The following COL4A2 variants were observed in gnomAD, a reference collection of about 807,000 sequenced individuals.
COL4A2 encodes collagen alpha-2(IV) chain.
A neutral mutation model predicts 200.2 loss-of-function variants in COL4A2; 99 were observed. That is an observed-to-expected ratio of 0.49 (90% CI 0.42 to 0.58). The LOEUF is 0.58. Among genes scored for constraint, COL4A2 ranks in the 20% least tolerant of loss-of-function variants. COL4A2 has a pLI of 0.00. For missense variants in COL4A2, 1,950 were observed against 2,314.1 expected, an observed-to-expected ratio of 0.84 and a Z score of 3.23; for synonymous variants, 897 against 900.6, an observed-to-expected ratio of 1.00 and a Z score of 0.07.
chr13:110,372,395 C>G (rs953967801), intron 4 of COL4A2, among the ~76,000 whole-genome samples: 7 of 152,208 alleles, frequency 4.6e-5, no homozygotes, highest in Non-Finnish European at 1.0e-4. Context: ...CCTCGTAAGT[C>G]TCTCTGACAG....
chr13:110,474,582 ACACT>A (rs1882604178), intron 29 of COL4A2, among the ~76,000 whole-genome samples: 1 of 152,144 alleles, frequency 6.6e-6, no homozygotes, highest in Admixed American at 6.5e-5. Flanking sequence ...ATTCACGGTC[ACACT>A]CATGCACATG....
At chr13:110,308,487 A>C (rs1306590478) in intron 3 of COL4A2, among the ~76,000 whole-genome samples, 1 of 152,128 alleles carries the variant, frequency 6.6e-6, no homozygotes, top group South Asian at 2.1e-4. Flanking sequence ...GGGCGAAAAA[A>C]GTTTTCCTGG....
At chr13:110,314,104 T>C (rs1885070598) in intron 3 of COL4A2, among the ~76,000 whole-genome samples, 1 of 152,234 alleles carries the variant, frequency 6.6e-6, no homozygotes, top group African/African-American at 2.4e-5. Flanking sequence ...TGCAGTTCAA[T>C]GTGATAATGT....
At chr13:110,437,926 C>A in intron 13 of COL4A2, 76 bp from the exon 14 acceptor site, 3 of 1,179,478 alleles carry the variant, frequency 2.5e-6, no homozygotes, top group South Asian at 1.2e-5. Flanking sequence ...CAGCTCATGT[C>A]ATGAACCCTG....
chr13:110,435,147 A>G (rs1254610347), intron 12 of COL4A2, among the ~76,000 whole-genome samples: 3 of 152,234 alleles, frequency 2.0e-5, no homozygotes, highest in East Asian at 1.9e-4. Context: ...AGTCCTGCTC[A>G]TGTGTGAAGA....
chr13:110,418,975 A>G (rs543523972), intron 4 of COL4A2, among the ~76,000 whole-genome samples: 1 of 152,386 alleles, frequency 6.6e-6, no homozygotes, highest in Middle Eastern at 3.4e-3. Context: ...GAGCCTAAAA[A>G]GTAGTCCTTT....
At chr13:110,411,430 G>T (rs189018804) in intron 4 of COL4A2, among the ~76,000 whole-genome samples, 256 of 152,326 alleles carry the variant, frequency 1.7e-3, no homozygotes, top group African/African-American at 5.7e-3. Flanking sequence ...TTAGCCTGCA[G>T]CTCCAGGGGC....
At chr13:110,400,407 A>G (rs1017400926) in intron 4 of COL4A2, among the ~76,000 whole-genome samples, 22 of 152,260 alleles carry the variant, frequency 1.4e-4, no homozygotes, top group Non-Finnish European at 1.5e-5. Flanking sequence ...GTTAGATTTC[A>G]TAACACAGAA....
intron 21 of COL4A2, chr13:110,458,089 AC>A: frequency 2.1e-6 from 1 of 468,380 alleles, no homozygotes; most frequent in Non-Finnish European, 4.4e-6. Flanking sequence ...CCTGGGACTT[AC>A]CACGTCTTGG....
intron 20 of COL4A2, among the ~76,000 whole-genome samples, chr13:110,455,589 C>T (rs376830080): frequency 1.1e-4 from 16 of 152,296 alleles, no homozygotes; most frequent in African/African-American, 3.8e-4. Flanking sequence ...GAGAGTCCAT[C>T]GGTTTCATTT....
Position 110,495,456 on chromosome 13 carries a change from A to T in COL4A2, c.3749A>T (p.Gln1250Leu), listed in dbSNP as rs1173195289. The part of the protein sequence containing the change: ...PVGVPGQKGD[Q>L]GAPGERGPPG... The stretch of plus-strand genomic sequence containing the variant: ...GGAGTCCCAGGACAGAAAGGAGACC[A>T]AGGAGCTCCAGGTGAGGCCACACAT... The change falls in exon 40 of 48, where the codon CAA becomes CTA. Residue 1250 changes from glutamine (Q) to leucine (L), a missense_variant. By Grantham distance (113) the Gln-to-Leu change is moderately radical. Transcript: ENST00000360467. 1.2e-6 allele frequency: 2 copies of T among 1,612,622 alleles called. No homozygotes were observed. The highest frequency in any genetic ancestry group is 2.7e-5 in the African/African-American group (2 of 74,808).
rs919092373 is a variant in COL4A2 at position 110,482,589 on chromosome 13, G to A, written c.2832G>A (p.Gly944=). Residue 944 remains glycine (G), a synonymous_variant, in exon 32 of 48, where the codon GGG becomes GGA. Transcript: ENST00000360467. The part of the protein sequence containing the change: ...PGLKGRPGFP[G]SKGEAGFFGI... The stretch of plus-strand genomic sequence containing the variant: ...TCAAAGGGAGACCCGGGTTTCCAGG[G>A]AGCAAAGGCGAGGCTGGATTTTTCG... 4 of 1,614,056 alleles carry A rather than the reference G, an allele frequency of 2.5e-6. No homozygotes were observed. The highest frequency in any genetic ancestry group is 3.3e-5 in the Admixed American group (2 of 60,004).
intron 25 of COL4A2, 91 bp downstream of exon 25, chr13:110,465,697 T>G: frequency 8.3e-7 from 1 of 1,199,916 alleles, no homozygotes; most frequent in Non-Finnish European, 1.2e-6. Context: ...TAGAGTCAGA[T>G]GAGGATGCTG....
Position 110,347,483 on chromosome 13 carries a change from T to C in COL4A2, c.100-9989T>C, listed in dbSNP as rs1449087428. Among the ~76,000 whole-genome samples, 3 of 152,320 alleles carry C rather than the reference T, an allele frequency of 2.0e-5. No individual in the cohort carries two copies. In the East Asian group the frequency reaches 5.8e-4, roughly 29 times the overall value. On this transcript the variant is annotated intron_variant, in intron 3 of 47. Transcript: ENST00000360467. ...CTTGCCCTTTGCTACATCATTCATGTTCCCAGTTGGCCCCTCACACCTGCT... is the reference window on the plus strand; with the variant it reads ...CTTGCCCTTTGCTACATCATTCATGCTCCCAGTTGGCCCCTCACACCTGCT...
At chr13:110,469,019 T>C (rs1231577341) in intron 27 of COL4A2, among the ~76,000 whole-genome samples, 198 bp from the exon 28 acceptor site, 2 of 152,222 alleles carry the variant, frequency 1.3e-5, no homozygotes, top group East Asian at 1.9e-4. Context: ...ATCATTCTTA[T>C]GGTTCCAGTC....
Position 110,477,821 on chromosome 13 carries a change from C to T in COL4A2, c.2426-182C>T, listed in dbSNP as rs373411831. ...GGAAATTCCCAGTGGTAGTCATTAC[C>T]GCTGGGTGATGGTGTGCCTTACCTG... is the stretch of plus-strand genomic sequence containing the variant. On this transcript the variant is annotated intron_variant, in intron 29 of 47. Transcript: ENST00000360467. 17 of 482,630 alleles carry T rather than the reference C, an allele frequency of 3.5e-5. 1 individual carries two copies. The highest frequency in any genetic ancestry group is 3.1e-4 in the Admixed American group (7 of 22,924). 29.9% of individuals were successfully genotyped at this position (482,630 alleles called of 1,614,324 possible). A position where few individuals can be genotyped will look rare whatever the true frequency, so the allele number is the denominator to read the frequency against.
chr13:110,433,302 C>T (rs550322120), intron 11 of COL4A2, among the ~76,000 whole-genome samples: 3 of 152,354 alleles, frequency 2.0e-5, no homozygotes, highest in South Asian at 4.1e-4. Context: ...ACCAGGCGGC[C>T]GGGCTGAGGA....
intron 27 of COL4A2, among the ~76,000 whole-genome samples, chr13:110,467,955 G>A (rs560699790): frequency 1.3e-5 from 2 of 152,348 alleles, no homozygotes; most frequent in East Asian, 3.9e-4. Context: ...ACCAGACACA[G>A]CCAGAGCTGT....
chr13:110,434,504 C>G lies in COL4A2; in HGVS notation c.726+62C>G. The G allele has an allele frequency of 3.3e-6, 5 of 1,513,088 alleles. No individual in the cohort carries two copies. The South Asian group carries it at 4.7e-5, about 14-fold the overall frequency. The allele number at this position is 1,513,088 out of a possible 1,614,324, so 93.7% of individuals were successfully genotyped here. ...AGCATTTCTCAGCCAGGAAATAAATCATTTTAATTACTAAGTTCTGTGCTG... is the reference window on the plus strand; with the variant it reads ...AGCATTTCTCAGCCAGGAAATAAATGATTTTAATTACTAAGTTCTGTGCTG... On this transcript the variant is annotated intron_variant, in intron 12 of 47. Coordinates refer to ENST00000360467, the MANE Select transcript of COL4A2 (RefSeq NM_001846.4).
Sources: allele counts gnomAD v4.1 joint callset (sites outside exome capture counted in the v4.1 genomes callset), GRCh38; gene constraint gnomAD v4.1.1; transcripts MANE v1.5; gene names NCBI Gene and HGNC (gene_info 2026-07-23, HGNC 2026-07-21).